Variants in ZC2HC1A observed in about 807,000 individuals in gnomAD.
The protein encoded by ZC2HC1A is zinc finger C2HC domain-containing protein 1A.
In ZC2HC1A, 28 loss-of-function variants were observed where a neutral mutation model predicts 40.7. The observed-to-expected ratio is 0.69, with a 90% confidence interval of 0.51 to 0.94. The LOEUF (loss-of-function observed/expected upper bound fraction) is 0.94, where lower values mean the gene tolerates loss of function less well. Ranked by LOEUF, ZC2HC1A falls within the 40% of genes least tolerant of loss-of-function variation. ZC2HC1A has a pLI of 0.00. For synonymous variants in ZC2HC1A, 129 were observed against 129.2 expected, an observed-to-expected ratio of 1.00 and a Z score of 0.01; for missense variants, 389 against 386.3, an observed-to-expected ratio of 1.01 and a Z score of -0.06.
chr8:78,689,113 CA>C, intron 4 of ZC2HC1A, 108 bp from the exon 5 acceptor site: 1 of 751,132 alleles, frequency 1.3e-6, no homozygotes, highest in Non-Finnish European at 1.8e-6. Context: ...TTTTGCTTAT[CA>C]GATGTTATTA....
intron 1 of ZC2HC1A, among the ~76,000 whole-genome samples, chr8:78,671,706 C>T (rs919374082): frequency 6.6e-6 from 1 of 152,068 alleles, no homozygotes; most frequent in African/African-American, 2.4e-5. Context: ...GTCTTAAAGG[C>T]TTCTCTAACA....
chr8:78,675,937 G>A (rs533135075), intron 2 of ZC2HC1A, 74 bp downstream of exon 2: 8 of 1,326,636 alleles, frequency 6.0e-6, no homozygotes, highest in Non-Finnish European at 4.3e-6. Context: ...CAATTCTCAT[G>A]GGAAGAATTT....
intron 3 of ZC2HC1A, among the ~76,000 whole-genome samples, chr8:78,681,750 T>C (rs1348508388): frequency 2.0e-5 from 3 of 152,134 alleles, no homozygotes; most frequent in African/African-American, 7.2e-5. Context: ...GGTATCTGTT[T>C]TGTTGTGTTT....
intron 1 of ZC2HC1A, among the ~76,000 whole-genome samples, chr8:78,672,507 A>T (rs1374326778): frequency 6.6e-6 from 1 of 152,168 alleles, no homozygotes; most frequent in Non-Finnish European, 1.5e-5. Flanking sequence ...CACTCTGCAG[A>T]TCAACTCAGT....
At chr8:78,695,136 A>T (rs963105058) in intron 5 of ZC2HC1A, among the ~76,000 whole-genome samples, 1 of 152,206 alleles carries the variant, frequency 6.6e-6, no homozygotes, top group African/African-American at 2.4e-5. Context: ...CAGTTTTCGG[A>T]AAGGAAACTA....
At chr8:78,684,137 A>G (rs1395902906) in intron 3 of ZC2HC1A, among the ~76,000 whole-genome samples, 4 of 152,172 alleles carry the variant, frequency 2.6e-5, no homozygotes, top group African/African-American at 4.8e-5. Context: ...AAAGTTGCTT[A>G]CACATTTTGG....
rs141785547 is a variant in ZC2HC1A, at chr8:78,714,677, G to A, written c.705-544G>A. On this transcript the variant is annotated intron_variant, in intron 7 of 8. Transcript: ENST00000263849. ...TCCAACCAGAAGTCCCTCTGATTTC[G>A]GATAGCCCAGGCTGTGCAGTTGGTA... Among the ~76,000 whole-genome samples the A allele has an allele frequency of 5.8e-3, 877 of 152,204 alleles. 8 individuals are homozygous for A. Among genetic ancestry groups the A allele is most frequent in the African/African-American group, 0.02 (821 of 41,546 alleles).
intron 1 of ZC2HC1A, among the ~76,000 whole-genome samples, chr8:78,673,035 A>C (rs1052740432): frequency 1.3e-5 from 2 of 152,010 alleles, no homozygotes; most frequent in African/African-American, 4.8e-5. Flanking sequence ...CACATGCATT[A>C]GGTATTTGTC....
At chr8:78,694,025 C>G (rs1810311926) in intron 5 of ZC2HC1A, among the ~76,000 whole-genome samples, 1 of 152,124 alleles carries the variant, frequency 6.6e-6, no homozygotes, top group Non-Finnish European at 1.5e-5. Flanking sequence ...TCAGGTTTGT[C>G]AAAGATCAGA....
chr8:78,675,680 T>G, intron 1 of ZC2HC1A, 107 bp from the exon 2 acceptor site: 1 of 1,049,458 alleles, frequency 9.5e-7, no homozygotes, highest in Non-Finnish European at 1.4e-6. Flanking sequence ...AAAACATTTT[T>G]CACAAAAACT....
intron 1 of ZC2HC1A, among the ~76,000 whole-genome samples, chr8:78,668,510 A>G (rs1456570274): frequency 1.3e-5 from 2 of 152,160 alleles, no homozygotes; most frequent in African/African-American, 2.4e-5. Flanking sequence ...GAAAATTTCT[A>G]TTAAAGATAA....
intron 7 of ZC2HC1A, among the ~76,000 whole-genome samples, chr8:78,713,685 G>A (rs1376760102): frequency 6.6e-6 from 1 of 152,124 alleles, no homozygotes; most frequent in Non-Finnish European, 1.5e-5. Context: ...TTGAAGTTTA[G>A]AAGTAATTTA....
At chr8:78,714,937 T>C (rs1454116499) in intron 7 of ZC2HC1A, among the ~76,000 whole-genome samples, 1 of 152,198 alleles carries the variant, frequency 6.6e-6, no homozygotes, top group Non-Finnish European at 1.5e-5. Flanking sequence ...TTTTTAAAAA[T>C]GTATCTTTCA....
intron 4 of ZC2HC1A, among the ~76,000 whole-genome samples, chr8:78,687,852 TATA>T (rs1810066984): frequency 3.4e-5 from 3 of 87,360 alleles, no homozygotes; most frequent in African/African-American, 8.8e-5. Context: ...TATATATTTA[TATA>T]ATATATATCT....
intron 5 of ZC2HC1A, among the ~76,000 whole-genome samples, chr8:78,693,487 G>A (rs967483163): frequency 2.0e-5 from 3 of 152,212 alleles, no homozygotes; most frequent in Admixed American, 6.5e-5. Context: ...GGCCAGTAAT[G>A]ATGAACATTT....
chr8:78,693,098 A>C (rs1471896660), intron 5 of ZC2HC1A, among the ~76,000 whole-genome samples: 2 of 151,960 alleles, frequency 1.3e-5, no homozygotes, highest in South Asian at 4.2e-4. Flanking sequence ...TCCATGGTGT[A>C]TATGTGCCAC....
intron 3 of ZC2HC1A, among the ~76,000 whole-genome samples, chr8:78,685,110 A>T (rs900636738): frequency 6.6e-6 from 1 of 152,230 alleles, no homozygotes; most frequent in Non-Finnish European, 1.5e-5. Flanking sequence ...AACAAAGGAT[A>T]GTCAGAACCG....
chr8:78,668,703 A>G (rs1809367806), intron 1 of ZC2HC1A, among the ~76,000 whole-genome samples: 1 of 152,216 alleles, frequency 6.6e-6, no homozygotes, highest in Admixed American at 6.5e-5. Flanking sequence ...GAGCACTTCT[A>G]CATTCTGTAG....
chr8:78,711,938 T>C (rs1810962082), intron 7 of ZC2HC1A: 13 of 1,150,226 alleles, frequency 1.1e-5, no homozygotes, highest in Non-Finnish European at 1.0e-5. Flanking sequence ...AAACTTTATA[T>C]AAAGAAGCAG....
Sources: gnomAD v4.1 joint callset for allele counts (sites outside exome capture counted in the v4.1 genomes callset) on GRCh38, gnomAD v4.1.1 for gene constraint, MANE v1.5 for transcripts, NCBI Gene and HGNC (gene_info 2026-07-23, HGNC 2026-07-21) for gene names.